The following INTS7 variants were observed in gnomAD, a reference collection of about 807,000 sequenced individuals.
INTS7 encodes the protein integrator complex subunit 7.
Under a neutral mutation model 109.2 loss-of-function variants are expected in INTS7, and 46 were observed. The ratio of observed to expected loss-of-function variants is 0.42; its 90% CI spans 0.33 to 0.54. The LOEUF (loss-of-function observed/expected upper bound fraction) is 0.54. INTS7 is among the 20% of genes least tolerant of loss of function. The pLI is 0.07. For missense variants in INTS7, 929 were observed against 1,132.4 expected (o/e 0.82, Z 2.58); for synonymous variants, 412 against 402.9 (o/e 1.02, Z -0.27).
chr1:212,032,615 T>C (rs1041655285), intron 1 of INTS7, among the ~76,000 whole-genome samples: 1 of 152,076 alleles, frequency 6.6e-6, no homozygotes, highest in Non-Finnish European at 1.5e-5. Context: ...TAGCTGGAAC[T>C]ACAGGTGCCC....
intron 16 of INTS7, among the ~76,000 whole-genome samples, chr1:211,963,913 T>C (rs937044475): frequency 6.6e-6 from 1 of 152,136 alleles, no homozygotes; most frequent in Non-Finnish European, 1.5e-5. Context: ...GCTGGAAGCA[T>C]TCCCCCTGAA....
chr1:211,993,651 G>A (rs1558043549), intron 7 of INTS7, among the ~76,000 whole-genome samples: 1 of 144,478 alleles, frequency 6.9e-6, no homozygotes, highest in Non-Finnish European at 1.5e-5. Context: ...CTGCACTCCA[G>A]CCTGGGTGAC....
At chr1:212,023,058 CCATGTTGCTGCAAAAGA>C (rs748299371) in intron 1 of INTS7, among the ~76,000 whole-genome samples, 6 of 152,188 alleles carry the variant, frequency 3.9e-5, no homozygotes, top group Admixed American at 6.5e-5. Flanking sequence ...CCAGCTGCAT[CCATGTTGCTGCAAAAGA>C]CATGTTTTCA....
intron 15 of INTS7, among the ~76,000 whole-genome samples, chr1:211,967,640 GC>G (rs1222032220): frequency 6.6e-6 from 1 of 152,052 alleles, no homozygotes; most frequent in Non-Finnish European, 1.5e-5. Flanking sequence ...TTTGGATGTT[GC>G]TTTGGATGCT....
At chr1:211,991,591 A>G (rs1190990168) in intron 7 of INTS7, among the ~76,000 whole-genome samples, 5 of 152,184 alleles carry the variant, frequency 3.3e-5, no homozygotes. Flanking sequence ...TTAAAATTAA[A>G]AATCAAATGT....
chr1:212,000,485 A>G (rs1337545372), intron 7 of INTS7, among the ~76,000 whole-genome samples: 1 of 152,202 alleles, frequency 6.6e-6, no homozygotes, highest in African/African-American at 2.4e-5. Flanking sequence ...AGACAGCACA[A>G]CCCCAACCCT....
chr1:211,970,449 A>G (rs2102412884), intron 13 of INTS7, among the ~76,000 whole-genome samples: 1 of 152,240 alleles, frequency 6.6e-6, no homozygotes, highest in East Asian at 1.9e-4. Flanking sequence ...TGTTTCTTAG[A>G]TACTATCTCA....
rs145734721 is a variant in INTS7, at chr1:211,960,969, C to T, written c.2183+5461G>A. On this transcript the variant is annotated intron_variant, in intron 16 of 19. Coordinates refer to ENST00000366994, the MANE Select transcript of INTS7 (RefSeq NM_015434.4). ...GGCAGAGGTGGCAGTGAACTGAGATCGCGCCACTGCACTCCAGCCTAGGCA... is the reference window on the plus strand; with the variant it reads ...GGCAGAGGTGGCAGTGAACTGAGATTGCGCCACTGCACTCCAGCCTAGGCA... Among the ~76,000 whole-genome samples, 1,168 of 151,490 alleles carry T rather than the reference C, an allele frequency of 7.7e-3. 8 individuals carry two copies. The highest frequency in any genetic ancestry group is 0.014 in the Non-Finnish European group (959 of 67,886).
At chr1:211,996,706 T>C (rs1665406921) in intron 7 of INTS7, among the ~76,000 whole-genome samples, 1 of 152,186 alleles carries the variant, frequency 6.6e-6, no homozygotes, top group Non-Finnish European at 1.5e-5. Flanking sequence ...ACAAAATATG[T>C]GCAAGATTTG....
chr1:211,993,807 TA>T (rs1408095715), intron 7 of INTS7, among the ~76,000 whole-genome samples: 1 of 151,560 alleles, frequency 6.6e-6, no homozygotes, highest in Admixed American at 6.6e-5. Context: ...ATAAACACAC[TA>T]AAAAATGTTT....
Position 211,976,627 on chromosome 1 carries a change from G to A in INTS7, c.1563C>T (p.Ser521=). ...CAATACGGTATACAGTCCATCCATT[G>A]GAGACACTTTCAAGCTGCTGCTTAA... The part of the protein sequence containing the change: ...AVIKQQLESV[S]NGWTVYRIAR... The change falls in exon 12 of 20, where the codon TCC becomes TCT. Residue 521 remains serine, a synonymous_variant. Transcript: ENST00000366994. 2 of 1,613,900 alleles carry A rather than the reference G, an allele frequency of 1.2e-6. No individual in the cohort carries two copies. The highest frequency in any genetic ancestry group is 1.1e-5 in the South Asian group (1 of 91,082).
chr1:211,968,002 T>C (rs1663984834), intron 14 of INTS7, 21 bp from the exon 15 acceptor site: 4 of 1,346,920 alleles, frequency 3.0e-6, no homozygotes, highest in Non-Finnish European at 4.1e-6. Flanking sequence ...AAATCAATTA[T>C]GACAAACAAA....
At chr1:211,996,021 A>G (rs1665367743) in intron 7 of INTS7, among the ~76,000 whole-genome samples, 1 of 152,260 alleles carries the variant, frequency 6.6e-6, no homozygotes, top group South Asian at 2.1e-4. Context: ...GTGAGAAACT[A>G]AAGACTATCA....
In INTS7 at chr1:211,942,150, C is replaced by G; in HGVS notation, c.2602-39G>C. ...ATTGTTAACTAACAACAATGGCTAA[C>G]ATTTCTTCAGTGCTTACTATGAGTT... On this transcript the variant is annotated intron_variant, in intron 19 of 19. Transcript: ENST00000366994. The surrounding 1 kb of genome is among the most constrained non-coding windows in gnomAD (Gnocchi z 4.2). 2.5e-6 allele frequency: 4 copies of G among 1,597,212 alleles called. No individual in the cohort carries two copies. The highest frequency in any genetic ancestry group is 3.4e-6 in the Non-Finnish European group (4 of 1,170,404).
chr1:211,991,939 A>C (rs1665165658), intron 7 of INTS7, among the ~76,000 whole-genome samples: 1 of 152,262 alleles, frequency 6.6e-6, no homozygotes, highest in Non-Finnish European at 1.5e-5. Flanking sequence ...AAAGTGCCTA[A>C]GCACAGTGAC....
chr1:212,030,187 G>C (rs892126236), intron 1 of INTS7, among the ~76,000 whole-genome samples: 11 of 152,038 alleles, frequency 7.2e-5, no homozygotes, highest in Non-Finnish European at 1.3e-4. Flanking sequence ...TTGAATTTTT[G>C]GATTAGTTCA....
chr1:211,947,484 T>A (rs1017754873), intron 17 of INTS7, among the ~76,000 whole-genome samples: 2 of 152,232 alleles, frequency 1.3e-5, no homozygotes, highest in South Asian at 2.1e-4. Context: ...CTGCTTGGTC[T>A]ACTATCCCTT....
intron 5 of INTS7, 150 bp from the exon 6 acceptor site, chr1:212,007,599 T>C (rs994261786): frequency 2.4e-5 from 14 of 578,766 alleles, no homozygotes; most frequent in African/African-American, 1.3e-4. Context: ...CTAGAACCAA[T>C]TGATAAATTC....
chr1:211,976,774 T>C lies in INTS7; in HGVS notation c.1471-55A>G, dbSNP rs752963021. ...AATCATTTAATTTTATTCAGTGTCA[T>C]TGATAACCTACCCCAAAGGGAGGAA... On this transcript the variant is annotated intron_variant, in intron 11 of 19. Coordinates refer to ENST00000366994, the MANE Select transcript of INTS7 (RefSeq NM_015434.4). 1.9e-5 allele frequency: 30 copies of C among 1,564,584 alleles called. No individual in the cohort carries two copies. In the South Asian group the frequency reaches 2.0e-4, roughly 11 times the overall value.
Sources: allele counts gnomAD v4.1 joint callset (sites outside exome capture counted in the v4.1 genomes callset), GRCh38; gene constraint gnomAD v4.1.1; non-coding constraint Gnocchi (gnomAD v3.1); transcripts MANE v1.5; gene names NCBI Gene and HGNC (gene_info 2026-07-23, HGNC 2026-07-21).